The following ZC3H18 variants were observed in gnomAD, a reference collection of about 807,000 sequenced individuals.
ZC3H18 encodes zinc finger CCCH domain-containing protein 18.
In ZC3H18, 8 loss-of-function variants were observed where a neutral mutation model predicts 106.1. The ratio of observed to expected loss-of-function variants is 0.08; its 90% CI spans 0.04 to 0.14. The LOEUF (loss-of-function observed/expected upper bound fraction) is 0.14. ZC3H18 is among the 10% of genes least tolerant of loss of function. ZC3H18 has a pLI of 1.00. For missense variants in ZC3H18, 1,318 were observed against 1,278.4 expected (o/e 1.03, Z -0.47); for synonymous variants, 635 against 522.1 (o/e 1.22, Z -2.95).
intron 6 of ZC3H18, among the ~76,000 whole-genome samples, chr16:88,604,890 G>A (rs1904935982): frequency 1.3e-5 from 2 of 152,090 alleles, no homozygotes; most frequent in South Asian, 2.1e-4. Context: ...AGGCTGTCAG[G>A]CCATGGCCAG....
intron 6 of ZC3H18, among the ~76,000 whole-genome samples, chr16:88,603,717 G>C (rs562709937): frequency 6.6e-6 from 1 of 151,370 alleles, no homozygotes; most frequent in East Asian, 2.0e-4. Context: ...CTGCCTCCTG[G>C]GTTCACGCCA....
In ZC3H18 at chr16:88,630,465, A is replaced by G. The variant is rs759030401; in HGVS notation, c.2567-20A>G. The G allele has an allele frequency of 1.2e-6, 2 of 1,606,856 alleles. No homozygotes were observed. The stretch of plus-strand genomic sequence containing the variant: ...CCCTGTACATCAGGAGGGTGGTCTC[A>G]CTCTGTACCTATCACCCAGGTTCTC... On this transcript the variant is annotated intron_variant, in intron 16 of 17. Coordinates refer to ENST00000301011, the MANE Select transcript of ZC3H18 (RefSeq NM_144604.4).
At chr16:88,604,107 T>C (rs1292292215) in intron 6 of ZC3H18, among the ~76,000 whole-genome samples, 2 of 152,082 alleles carry the variant, frequency 1.3e-5, no homozygotes, top group Admixed American at 6.6e-5. Flanking sequence ...ATCCTAGTGT[T>C]TTGGGAGGTC....
rs567919661 is a variant in ZC3H18 at position 88,615,765 on chromosome 16, G to A, written c.1475+4229G>A. 2.6e-5 allele frequency among the ~76,000 whole-genome samples: 4 copies of A among 152,308 alleles called. No homozygotes were observed. The East Asian group carries it at 5.8e-4, about 22-fold the overall frequency. On this transcript the variant is annotated intron_variant, in intron 8 of 17. Coordinates refer to ENST00000301011, the MANE Select transcript of ZC3H18 (RefSeq NM_144604.4). The stretch of plus-strand genomic sequence containing the variant: ...CCACTTTGGTGGCTTATGGGCACAC[G>A]TGCCTGGCCACAGACCCCCTTCCCC...
At chr16:88,597,012 C>T (rs1358781126) in intron 3 of ZC3H18, among the ~76,000 whole-genome samples, 1 of 152,236 alleles carries the variant, frequency 6.6e-6, no homozygotes, top group African/African-American at 2.4e-5. Context: ...GCTCCACCTC[C>T]TGGGTTCACG....
rs1251215510 is a variant in ZC3H18, at chr16:88,631,722, C to T, written c.*423C>T. The T allele has an allele frequency of 1.4e-5, 6 of 428,032 alleles. No individual in the cohort carries two copies. The highest frequency in any genetic ancestry group is 1.0e-4 in the South Asian group (6 of 60,094). The allele number at this position is 428,032 out of a possible 1,614,324, so 26.5% of individuals were successfully genotyped here. On this transcript the variant is annotated 3_prime_UTR_variant, in exon 18 of 18. Coordinates refer to ENST00000301011, the MANE Select transcript of ZC3H18 (RefSeq NM_144604.4). ...ACCTCGCGAACCACTGGTGGCACAT[C>T]CTTCTCCTCCCCCGCCCCTGATCAC... is the stretch of plus-strand genomic sequence containing the variant.
At position 88,577,204 on chromosome 16, in the gene ZC3H18, C is replaced by T. The variant is rs1161250241; in HGVS notation, c.81C>T (p.Asp27=). The T allele has an allele frequency of 1.2e-6, 2 of 1,612,546 alleles. No homozygotes were observed. Among genetic ancestry groups the T allele is most frequent in the Non-Finnish European group, 1.7e-6 (2 of 1,179,216 alleles). The change falls in exon 2 of 18, where the codon GAC becomes GAT. Residue 27 remains aspartate (D), a synonymous_variant. Coordinates refer to ENST00000301011, the MANE Select transcript of ZC3H18 (RefSeq NM_144604.4). ...EEQPQGLSDD[D]ILRDSGSDQD... is the part of the protein sequence containing the mutation. ...AGCCACAGGGACTCTCGGACGATGACATTCTGAGGGACAGCGGGTCCGATC... is the reference window on the plus strand; with the variant it reads ...AGCCACAGGGACTCTCGGACGATGATATTCTGAGGGACAGCGGGTCCGATC...
Position 88,631,234 on chromosome 16 carries a change from A to C in ZC3H18, c.2797A>C (p.Lys933Gln), listed in dbSNP as rs1906673943. Residue 933 changes from lysine (K) to glutamine (Q), a missense_variant, in exon 18 of 18, where the codon AAA becomes CAA. Lys to Gln is a moderately conservative substitution (Grantham distance 53). This residue lies in a region of ZC3H18 where 13 missense variants were observed against 40.8 expected (regional missense o/e 0.32). Coordinates refer to ENST00000301011, the MANE Select transcript of ZC3H18 (RefSeq NM_144604.4). ...GCTGTCTCGGCGGGAGGAGCTGCTG[A>C]AACAGCTGAAGGCCGTGGAGGATGC... ...STLSRREELL[K>Q]QLKAVEDAIA... The C allele has an allele frequency of 1.2e-6, 2 of 1,612,984 alleles. No homozygotes were observed.
chr16:88,606,975 G>A (rs1905038801), intron 6 of ZC3H18, among the ~76,000 whole-genome samples: 2 of 152,230 alleles, frequency 1.3e-5, no homozygotes, highest in Middle Eastern at 3.4e-3. Flanking sequence ...ACCCTGGAGG[G>A]GCGTCCAGGG....
intron 13 of ZC3H18, chr16:88,626,144 G>A (rs1176192846): frequency 6.6e-6 from 1 of 152,044 alleles, no homozygotes; most frequent in Non-Finnish European, 1.5e-5. Flanking sequence ...TTTTAGTAGA[G>A]ACTGGGTTTT....
At chr16:88,621,518 G>A (rs549113427) in intron 8 of ZC3H18, among the ~76,000 whole-genome samples, 101 of 151,620 alleles carry the variant, frequency 6.7e-4, no homozygotes, top group Non-Finnish European at 1.3e-3. Flanking sequence ...CACCGCAGCC[G>A]GCCTAATTTT....
Position 88,620,436 on chromosome 16 carries a change from C to T in ZC3H18, c.1476-1761C>T, listed in dbSNP as rs189273515. ...AGACCTCAAATCAATGTTTAATGAC[C>T]TGGGTGTGGTGGTGCACACCTGCAG... On this transcript the variant is annotated intron_variant, in intron 8 of 17. Transcript: ENST00000301011. 4.1e-3 allele frequency among the ~76,000 whole-genome samples: 617 copies of T among 152,254 alleles called. 5 individuals are homozygous for T. Among genetic ancestry groups the T allele is most frequent in the Non-Finnish European group, 7.3e-3 (495 of 68,018 alleles).
In ZC3H18 at chr16:88,577,444, C is replaced by T. The variant is rs764107911; in HGVS notation, c.321C>T (p.Asp107=). 19 of 1,609,356 alleles carry T rather than the reference C, an allele frequency of 1.2e-5. No individual in the cohort carries two copies. Among genetic ancestry groups the T allele is most frequent in the Non-Finnish European group, 1.5e-5 (18 of 1,177,382 alleles). Residue 107 remains aspartate (D), a synonymous_variant, in exon 2 of 18, where the codon GAC becomes GAT. Coordinates refer to ENST00000301011, the MANE Select transcript of ZC3H18 (RefSeq NM_144604.4). ...AGGAGGGGGACGAAGGGGAGGAAGACCGGACAAGCGACCTTAGGGATGAGG... is the reference window on the plus strand; with the variant it reads ...AGGAGGGGGACGAAGGGGAGGAAGATCGGACAAGCGACCTTAGGGATGAGG... ...CEEEGDEGEE[D]RTSDLRDEAS...
At chr16:88,620,875 T>TTGTTTTTTA (rs1165200572) in intron 8 of ZC3H18, among the ~76,000 whole-genome samples, 3 of 152,220 alleles carry the variant, frequency 2.0e-5, no homozygotes, top group Non-Finnish European at 2.9e-5. Context: ...GTTTTTTTGT[T>TTGTTTTTTA]TGTTTTTTAT....
Position 88,577,405 on chromosome 16 carries a change from C to A in ZC3H18, c.282C>A (p.Ser94Arg). ...EVNELSRGPT[S>R]SPCEEEGDEG... ...ATGAGCTGAGCCGGGGCCCGACCAGCTCCCCCTGCGAGGAGGAGGGGGACG... is the reference window on the plus strand; with the variant it reads ...ATGAGCTGAGCCGGGGCCCGACCAGATCCCCCTGCGAGGAGGAGGGGGACG... The change falls in exon 2 of 18, where the codon AGC becomes AGA. Residue 94 changes from serine to arginine, a missense_variant. Ser to Arg is a moderately radical substitution (Grantham distance 110). Around this residue, in one of 6 missense-constraint regions of ZC3H18, gnomAD observed 346 missense variants for 269.0 expected, o/e 1.29. Coordinates refer to ENST00000301011, the MANE Select transcript of ZC3H18 (RefSeq NM_144604.4). 6.3e-7 allele frequency: 1 copy of A among 1,599,958 alleles called. No homozygotes were observed. The highest frequency in any genetic ancestry group is 8.5e-7 in the Non-Finnish European group (1 of 1,171,546).
chr16:88,598,573 C>A, intron 4 of ZC3H18, 47 bp from the exon 5 acceptor site: 1 of 1,559,432 alleles, frequency 6.4e-7, no homozygotes, highest in Non-Finnish European at 8.7e-7. Context: ...TCTCTGTACA[C>A]TTGAAAGTTT....
chr16:88,621,945 C>A (rs972370575), intron 8 of ZC3H18, among the ~76,000 whole-genome samples: 2 of 152,316 alleles, frequency 1.3e-5, no homozygotes, highest in African/African-American at 4.8e-5. Context: ...AAGTAACTGC[C>A]ATTCTGGTTC....
chr16:88,584,121 A>C (rs1173630172), intron 2 of ZC3H18, among the ~76,000 whole-genome samples: 1 of 152,156 alleles, frequency 6.6e-6, no homozygotes, highest in East Asian at 1.9e-4. Flanking sequence ...ATAAAGTAAG[A>C]ATAAAAATTG....
At chr16:88,574,138 G>A (rs1240923775) in intron 1 of ZC3H18, among the ~76,000 whole-genome samples, 2 of 152,094 alleles carry the variant, frequency 1.3e-5, no homozygotes, top group Non-Finnish European at 2.9e-5. Context: ...GTCTTCCAAA[G>A]TGCTGGGATT....
Sources: allele counts gnomAD v4.1 joint callset (sites outside exome capture counted in the v4.1 genomes callset), GRCh38; gene constraint gnomAD v4.1.1; regional missense constraint gnomAD v4.1.1; transcripts MANE v1.5; gene names NCBI Gene and HGNC (gene_info 2026-07-23, HGNC 2026-07-21).